UNC79: variants seen among roughly 807,000 people sequenced by gnomAD.
The protein encoded by UNC79 is protein unc-79 homolog.
In UNC79, 37 loss-of-function variants were observed where a neutral mutation model predicts 283.1. The ratio of observed to expected loss-of-function variants is 0.13; its 90% CI spans 0.10 to 0.17. The LOEUF is 0.17. UNC79 is among the 10% of genes least tolerant of loss of function. The probability of loss-of-function intolerance (pLI) is 1.00; values close to 1 mark genes in which losing one functional copy is unlikely to be tolerated. For missense variants in UNC79, 2,272 were observed against 3,211.1 expected, an observed-to-expected ratio of 0.71 and a Z score of 7.07; for synonymous variants, 1,107 against 1,200.2, an observed-to-expected ratio of 0.92 and a Z score of 1.61.
At chr14:93,562,176 G>A (rs1020036957) in intron 14 of UNC79, among the ~76,000 whole-genome samples, 2 of 152,204 alleles carry the variant, frequency 1.3e-5, no homozygotes, top group African/African-American at 4.8e-5. Context: ...GGAGGATCCT[G>A]CAGGTGGATG....
At chr14:93,659,042 C>A in intron 38 of UNC79, 151 bp from the exon 42 acceptor site, 1 of 576,888 alleles carries the variant, frequency 1.7e-6, no homozygotes, top group Non-Finnish European at 3.0e-6. Flanking sequence ...TGACTTTTTT[C>A]AACAAGGATA....
intron 1 of UNC79, among the ~76,000 whole-genome samples, chr14:93,385,366 C>T (rs917716663): frequency 2.0e-5 from 3 of 150,254 alleles, no homozygotes; most frequent in African/African-American, 4.9e-5. Context: ...TTATAGTTTT[C>T]ATTGTAGAGA....
At chr14:93,673,801 T>G (rs1470420558) in intron 41 of UNC79, among the ~76,000 whole-genome samples, 1 of 151,692 alleles carries the variant, frequency 6.6e-6, no homozygotes, top group African/African-American at 2.4e-5. Context: ...AGGCCAGAAG[T>G]GGGGGAACAG....
chr14:93,474,479 C>T lies in UNC79; in HGVS notation c.448+86C>T. On this transcript the variant is annotated intron_variant, in intron 3 of 48. Coordinates refer to ENST00000555664, the Ensembl canonical transcript of UNC79. This position sits in a 1 kb window ranked among gnomAD's most constrained non-coding sequence, Gnocchi z 4.1. ...TGAGCAAGGGGCTTGGAGATGGTCACTGTTGTAATCAATCACCTGAAAGGG... is the reference window on the plus strand; with the variant it reads ...TGAGCAAGGGGCTTGGAGATGGTCATTGTTGTAATCAATCACCTGAAAGGG... 7.1e-7 allele frequency: 1 copy of T among 1,414,172 alleles called. No homozygotes were observed. The highest frequency in any genetic ancestry group is 9.4e-7 in the Non-Finnish European group (1 of 1,065,452). The allele number at this position is 1,414,172 out of a possible 1,614,324, so 87.6% of individuals were successfully genotyped here. A position where few individuals can be genotyped will look rare whatever the true frequency, so the allele number is the denominator to read the frequency against.
At chr14:93,494,864 A>T (rs1156923078) in intron 5 of UNC79, among the ~76,000 whole-genome samples, 1 of 152,204 alleles carries the variant, frequency 6.6e-6, no homozygotes, top group Non-Finnish European at 1.5e-5. Context: ...AGATAGCTCC[A>T]CAATATCAGG....
intron 7 of UNC79, among the ~76,000 whole-genome samples, chr14:93,508,118 CT>C (rs1188266765): frequency 6.7e-6 from 1 of 149,926 alleles, no homozygotes; most frequent in African/African-American, 2.5e-5. Flanking sequence ...TATATTTGTT[CT>C]TTTTCTTTGA....
chr14:93,352,386 G>A (rs1020950347), intron 1 of UNC79, among the ~76,000 whole-genome samples: 1 of 152,130 alleles, frequency 6.6e-6, no homozygotes, highest in African/African-American at 2.4e-5. Context: ...TCCTAGCTGG[G>A]GAAGAATATT....
At chr14:93,350,541 G>A (rs1595375906) in intron 1 of UNC79, among the ~76,000 whole-genome samples, 1 of 152,108 alleles carries the variant, frequency 6.6e-6, no homozygotes, top group Admixed American at 6.6e-5. Context: ...AAGGAACGTT[G>A]TAAGTAATTA....
intron 1 of UNC79, among the ~76,000 whole-genome samples, chr14:93,393,135 T>C (rs1243180090): frequency 2.0e-5 from 3 of 152,110 alleles, no homozygotes; most frequent in Admixed American, 2.0e-4. Flanking sequence ...GGATGAATAA[T>C]TTATCCTTTT....
intron 1 of UNC79, among the ~76,000 whole-genome samples, chr14:93,339,167 C>T (rs1005126800): frequency 6.6e-6 from 1 of 152,170 alleles, no homozygotes; most frequent in African/African-American, 2.4e-5. Context: ...AGGCATCATG[C>T]CAACAGGGTA....
intron 1 of UNC79, among the ~76,000 whole-genome samples, chr14:93,420,802 G>A (rs2055580066): frequency 6.6e-6 from 1 of 151,608 alleles, no homozygotes; most frequent in Non-Finnish European, 1.5e-5. Flanking sequence ...ATAACAAGAG[G>A]AACTTTGGAA....
At chr14:93,641,090 T>C in intron 32 of UNC79, 55 bp from the exon 36 acceptor site, 1 of 1,495,826 alleles carries the variant, frequency 6.7e-7, no homozygotes, top group Non-Finnish European at 9.2e-7. Context: ...CAGGCCTTTC[T>C]TGGCCCCTTG....
intron 1 of UNC79, among the ~76,000 whole-genome samples, chr14:93,399,582 G>A (rs2055066014): frequency 6.6e-6 from 1 of 152,030 alleles, no homozygotes; most frequent in South Asian, 2.1e-4. Flanking sequence ...TCCTTAATAT[G>A]TGCCAGGCAC....
intron 31 of UNC79, among the ~76,000 whole-genome samples, chr14:93,635,218 C>T (rs1451451062): frequency 6.6e-6 from 1 of 152,190 alleles, no homozygotes; most frequent in Non-Finnish European, 1.5e-5. Flanking sequence ...AACATGATCA[C>T]TCTGCATTTT....
chr14:93,339,035 TG>T (rs2053643087), intron 1 of UNC79, among the ~76,000 whole-genome samples: 1 of 152,220 alleles, frequency 6.6e-6, no homozygotes, highest in Non-Finnish European at 1.5e-5. Flanking sequence ...CTATGCAGTC[TG>T]AGAATATTTA....
intron 2 of UNC79, among the ~76,000 whole-genome samples, chr14:93,469,841 C>A (rs1445757841): frequency 6.6e-6 from 1 of 152,070 alleles, no homozygotes; most frequent in Non-Finnish European, 1.5e-5. Flanking sequence ...TTGATTGCAC[C>A]ACTGTACTCC....
chr14:93,544,566 G>A (rs982265202), intron 14 of UNC79, among the ~76,000 whole-genome samples: 1 of 152,200 alleles, frequency 6.6e-6, no homozygotes, highest in South Asian at 2.1e-4. Context: ...ACCAACTGTA[G>A]GGTTTTGGTG....
At chr14:93,606,177 C>A (rs1382856416) in intron 26 of UNC79, among the ~76,000 whole-genome samples, 2 of 152,132 alleles carry the variant, frequency 1.3e-5, no homozygotes, top group African/African-American at 4.8e-5. Flanking sequence ...TTTAACAATC[C>A]AACCCAAGAA....
At chr14:93,597,503 G>T (rs1348284312) in exon 24 of UNC79, 5 of 1,613,754 alleles carry the variant, frequency 3.1e-6, no homozygotes, top group Non-Finnish European at 4.2e-6. Flanking sequence ...ACCAGAGCTG[G>T]TCTCCTGCTT....
Sources: gnomAD v4.1 joint callset for allele counts (sites outside exome capture counted in the v4.1 genomes callset) on GRCh38, gnomAD v4.1.1 for gene constraint, Gnocchi (gnomAD v3.1) non-coding constraint, MANE v1.5 for transcripts, NCBI Gene and HGNC (gene_info 2026-07-23, HGNC 2026-07-21) for gene names.